Variants in AQP1 observed in about 807,000 individuals in gnomAD.
AQP1 encodes the protein aquaporin-1.
Under a neutral mutation model 19.7 loss-of-function variants are expected in AQP1, and 11 were observed. The ratio of observed to expected loss-of-function variants is 0.56; its 90% CI spans 0.35 to 0.92. The LOEUF (loss-of-function observed/expected upper bound fraction) is 0.92. Among genes scored for constraint, AQP1 ranks in the 40% least tolerant of loss-of-function variants. The pLI, the probability that AQP1 is intolerant of heterozygous loss-of-function variation, is 0.01. For synonymous variants in AQP1, 159 were observed against 166.7 expected, an observed-to-expected ratio of 0.95 and a Z score of 0.36; for missense variants, 320 against 369.7, an observed-to-expected ratio of 0.87 and a Z score of 1.10.
chr7:30,911,927 G>C lies in AQP1; in HGVS notation c.18G>C (p.Lys6Asn). The change falls in exon 1 of 4, where the codon AAG becomes AAC. Residue 6 changes from lysine (K) to asparagine (N), a missense_variant. Coordinates refer to ENST00000311813, the MANE Select transcript of AQP1 (RefSeq NM_198098.4). MASEF[K>N]KKLFWRAVVA... ...CTGCCAGCATGGCCAGCGAGTTCAA[G>C]AAGAAGCTCTTCTGGAGGGCAGTGG... is the stretch of plus-strand genomic sequence containing the variant. The C allele has an allele frequency of 6.2e-7, 1 of 1,613,300 alleles. No individual in the cohort carries two copies. The highest frequency in any genetic ancestry group is 8.5e-7 in the Non-Finnish European group (1 of 1,179,944).
intron 3 of AQP1, among the ~76,000 whole-genome samples, chr7:30,922,950 T>C (rs763244546): frequency 9.9e-5 from 15 of 152,248 alleles, no homozygotes; most frequent in Non-Finnish European, 1.8e-4. Context: ...AGCATGACCT[T>C]GCGCAGTGTG....
At position 30,912,982 on chromosome 7, in the gene AQP1, A is replaced by G. The variant is rs1440690501; in HGVS notation, c.384+689A>G. 6.6e-6 allele frequency among the ~76,000 whole-genome samples: 1 copy of G among 151,616 alleles called. No individual in the cohort carries two copies. Among genetic ancestry groups the G allele is most frequent in the Non-Finnish European group, 1.5e-5 (1 of 67,880 alleles). ...ACTGAGAGGTGTGGCGTGTGTGTGC[A>G]TGTGCGTGTGCGTGTGTGTGTGTGA... On this transcript the variant is annotated intron_variant, in intron 1 of 3. Transcript: ENST00000311813. This position sits in a 1 kb window ranked among gnomAD's most constrained non-coding sequence, Gnocchi z 4.3.
chr7:30,917,600 C>T (rs1791390818), intron 1 of AQP1, among the ~76,000 whole-genome samples: 3 of 152,146 alleles, frequency 2.0e-5, no homozygotes, highest in Admixed American at 2.0e-4. Context: ...TCAGACATAC[C>T]AGTGCAAACA....
Position 30,912,545 on chromosome 7 carries a change from G to A in AQP1, c.384+252G>A, listed in dbSNP as rs1164946421. Among the ~76,000 whole-genome samples, 1 of 152,228 alleles carries A rather than the reference G, an allele frequency of 6.6e-6. No homozygotes were observed. Among genetic ancestry groups the A allele is most frequent in the African/African-American group, 2.4e-5 (1 of 41,446 alleles). On this transcript the variant is annotated intron_variant, in intron 1 of 3. Coordinates refer to ENST00000311813, the MANE Select transcript of AQP1 (RefSeq NM_198098.4). The surrounding 1 kb of genome is among the most constrained non-coding windows in gnomAD (Gnocchi z 4.3). ...AATAATGGTCTTGCCAATGTCCCCT[G>A]CAGGGCATCTATTATGGGGAATAAG...
rs1791629820 is a variant in AQP1, at chr7:30,924,565, C to T, written c.*936C>T. 1 of 152,512 alleles carries T rather than the reference C, an allele frequency of 6.6e-6. No homozygotes were observed. Among genetic ancestry groups the T allele is most frequent in the Non-Finnish European group, 1.5e-5 (1 of 68,260 alleles). The allele number at this position is 152,512 out of a possible 1,614,324, so 9.4% of individuals were successfully genotyped here. A position where few individuals can be genotyped will look rare whatever the true frequency, so the allele number is the denominator to read the frequency against. On this transcript the variant is annotated 3_prime_UTR_variant, in exon 4 of 4. Coordinates refer to ENST00000311813, the MANE Select transcript of AQP1 (RefSeq NM_198098.4). Reference sequence around the variant, plus strand: ...TTTTAGTTGGTCTTTCCATCTATCACTGCATTATCTTGCTCATTCTTCAGT... The same window carrying T: ...TTTTAGTTGGTCTTTCCATCTATCATTGCATTATCTTGCTCATTCTTCAGT...
chr7:30,919,895 T>A (rs1158111878), intron 1 of AQP1, among the ~76,000 whole-genome samples: 2 of 152,010 alleles, frequency 1.3e-5, no homozygotes, highest in Non-Finnish European at 2.9e-5. Flanking sequence ...CTGGTGGTAG[T>A]GGTAGTGGGT....
intron 1 of AQP1, among the ~76,000 whole-genome samples, chr7:30,918,120 G>A (rs963974776): frequency 9.2e-5 from 14 of 151,636 alleles, no homozygotes; most frequent in East Asian, 5.8e-4. Context: ...TCAGCCTCCC[G>A]AGTAGCTGGG....
rs773820973 is a variant in AQP1, at chr7:30,912,406, G to A, written c.384+113G>A. ...ACACTGAGGAACGGAGAGGACAAGAGGTTGCTGGAGGTCACGTAGAGAGCT... is the reference window on the plus strand; with the variant it reads ...ACACTGAGGAACGGAGAGGACAAGAAGTTGCTGGAGGTCACGTAGAGAGCT... On this transcript the variant is annotated intron_variant, in intron 1 of 3. Transcript: ENST00000311813. This position sits in a 1 kb window ranked among gnomAD's most constrained non-coding sequence, Gnocchi z 4.3. The A allele has an allele frequency of 7.5e-6, 11 of 1,460,340 alleles. No homozygotes were observed. Among genetic ancestry groups the A allele is most frequent in the South Asian group, 1.3e-5 (1 of 76,578 alleles). The allele number at this position is 1,460,340 out of a possible 1,614,324, so 90.5% of individuals were successfully genotyped here.
chr7:30,923,396 G>T lies in AQP1; in HGVS notation c.631-54G>T. ...TGGGCTGTGGGGTAACCTAGGGAAC[G>T]CTTCCCAGGGGCTTTTGAGTGGAGC... is the stretch of plus-strand genomic sequence containing the variant. On this transcript the variant is annotated intron_variant, in intron 3 of 3. Transcript: ENST00000311813. This position sits in a 1 kb window ranked among gnomAD's most constrained non-coding sequence, Gnocchi z 4.8. 4 of 1,611,876 alleles carry T rather than the reference G, an allele frequency of 2.5e-6. No individual in the cohort carries two copies. The highest frequency in any genetic ancestry group is 2.5e-6 in the Non-Finnish European group (3 of 1,179,270).
rs150107539 is a variant in AQP1, at chr7:30,922,152, C to G, written c.471C>G (p.Thr157=). Residue 157 remains threonine, a synonymous_variant, in exon 2 of 4, where the codon ACC becomes ACG. Transcript: ENST00000311813. ...LQLVLCVLAT[T]DRRRRDLGGS... is the part of the protein sequence containing the mutation. ...TGGTGCTATGCGTGCTGGCTACTAC[C>G]GACCGGAGGCGCCGTGACCTTGGTG... 1.2e-6 allele frequency: 2 copies of G among 1,613,788 alleles called. No individual in the cohort carries two copies. Among genetic ancestry groups the G allele is most frequent in the Admixed American group, 3.3e-5 (2 of 60,028 alleles).
chr7:30,924,280 G>A lies in AQP1; in HGVS notation c.*651G>A, dbSNP rs1199477830. Reference sequence around the variant, plus strand: ...CCTGCAGCCCCTAAGTGCAAACACAGCATGGGTCCAGAAGACGTGGTCTAG... The same window carrying A: ...CCTGCAGCCCCTAAGTGCAAACACAACATGGGTCCAGAAGACGTGGTCTAG... On this transcript the variant is annotated 3_prime_UTR_variant, in exon 4 of 4. Transcript: ENST00000311813. 1.3e-5 allele frequency: 4 copies of A among 308,748 alleles called. No homozygotes were observed. The highest frequency in any genetic ancestry group is 9.6e-5 in the Admixed American group (2 of 20,748). The allele number at this position is 308,748 out of a possible 1,614,324, so 19.1% of individuals were successfully genotyped here. A position where few individuals can be genotyped will look rare whatever the true frequency, so the allele number is the denominator to read the frequency against.
chr7:30,922,715 T>G, intron 3 of AQP1, 71 bp downstream of exon 3: 1 of 1,420,288 alleles, frequency 7.0e-7, no homozygotes, highest in Non-Finnish European at 1.0e-6. Flanking sequence ...ACCCTCACAG[T>G]GTCCCTTCCT....
chr7:30,922,501 C>T, intron 2 of AQP1, 63 bp from the exon 3 acceptor site: 2 of 1,503,096 alleles, frequency 1.3e-6, no homozygotes, highest in Non-Finnish European at 1.9e-6. Flanking sequence ...TCTCCCTCCT[C>T]TCACTCTCTC....
rs1276543431 is a variant in AQP1 at position 30,923,377 on chromosome 7, G to T, written c.631-73G>T. On this transcript the variant is annotated intron_variant, in intron 3 of 3. Coordinates refer to ENST00000311813, the MANE Select transcript of AQP1 (RefSeq NM_198098.4). This position sits in a 1 kb window ranked among gnomAD's most constrained non-coding sequence, Gnocchi z 4.8. Reference sequence around the variant, plus strand: ...AACCTGTCCAACGGGGTGGTGGGCTGTGGGGTAACCTAGGGAACGCTTCCC... The same window carrying T: ...AACCTGTCCAACGGGGTGGTGGGCTTTGGGGTAACCTAGGGAACGCTTCCC... The T allele has an allele frequency of 2.4e-5, 38 of 1,607,598 alleles. No homozygotes were observed. Among genetic ancestry groups the T allele is most frequent in the Non-Finnish European group, 3.0e-5 (35 of 1,177,306 alleles).
At chr7:30,915,377 A>G (rs1178696571) in intron 1 of AQP1, among the ~76,000 whole-genome samples, 1 of 152,022 alleles carries the variant, frequency 6.6e-6, no homozygotes, top group Non-Finnish European at 1.5e-5. Context: ...GGAACTTTTG[A>G]ACTTAAGGGG....
chr7:30,921,365 G>A, intron 1 of AQP1: 3 of 1,384,952 alleles, frequency 2.2e-6, no homozygotes, highest in South Asian at 2.0e-5. Flanking sequence ...CCAGGCAGAG[G>A]GAGGGTGAGG....
rs1344955063 is a variant in AQP1, at chr7:30,923,656, A to G, written c.*27A>G. ...AGGGGTCTGGCCCGGGCATCCACGT[A>G]GGGGGCAGGGGCAGGGGCGGGCGGA... On this transcript the variant is annotated 3_prime_UTR_variant, in exon 4 of 4. Coordinates refer to ENST00000311813, the MANE Select transcript of AQP1 (RefSeq NM_198098.4). This position sits in a 1 kb window ranked among gnomAD's most constrained non-coding sequence, Gnocchi z 4.8. The G allele has an allele frequency of 1.7e-6, 2 of 1,161,712 alleles. No individual in the cohort carries two copies. Among genetic ancestry groups the G allele is most frequent in the Non-Finnish European group, 2.3e-6 (2 of 880,358 alleles). 72.0% of individuals were successfully genotyped at this position (1,161,712 alleles called of 1,614,324 possible).
Position 30,924,102 on chromosome 7 carries a change from G to A in AQP1, c.*473G>A, listed in dbSNP as rs906776105. ...GGAGGGGGAAGAGATCCCAGGAGGT[G>A]CAGTGGAGGGGGCAAGCTTTGCTCC... On this transcript the variant is annotated 3_prime_UTR_variant, in exon 4 of 4. Coordinates refer to ENST00000311813, the MANE Select transcript of AQP1 (RefSeq NM_198098.4). 31 of 1,198,942 alleles carry A rather than the reference G, an allele frequency of 2.6e-5. No individual in the cohort carries two copies. The highest frequency in any genetic ancestry group is 5.6e-5 in the East Asian group (1 of 17,780). The allele number at this position is 1,198,942 out of a possible 1,614,324, so 74.3% of individuals were successfully genotyped here. A position where few individuals can be genotyped will look rare whatever the true frequency, so the allele number is the denominator to read the frequency against.
intron 1 of AQP1, chr7:30,921,754 G>A: frequency 6.4e-7 from 1 of 1,550,740 alleles, no homozygotes. Flanking sequence ...AGAATACCCT[G>A]GCCTGGATGC....
Sources: allele counts gnomAD v4.1 joint callset (sites outside exome capture counted in the v4.1 genomes callset), GRCh38; gene constraint gnomAD v4.1.1; non-coding constraint Gnocchi (gnomAD v3.1); transcripts MANE v1.5; gene names NCBI Gene and HGNC (gene_info 2026-07-23, HGNC 2026-07-21).